The following CYP2C18 variants were observed in gnomAD, a reference collection of about 807,000 sequenced individuals.
CYP2C18 encodes the protein cytochrome P450 family 2 subfamily C member 18.
A neutral mutation model predicts 41.3 loss-of-function variants in CYP2C18; 38 were observed. The ratio of observed to expected loss-of-function variants is 0.92; its 90% CI spans 0.71 to 1.21. CYP2C18 has a LOEUF of 1.21. Ranked by LOEUF, CYP2C18 falls within the 50% of genes most tolerant of loss-of-function variation. The probability of loss-of-function intolerance (pLI) is 0.00; values close to 1 mark genes in which losing one functional copy is unlikely to be tolerated. For synonymous variants in CYP2C18, 236 were observed against 210.0 expected (o/e 1.12, Z -1.07); for missense variants, 635 against 591.4 (o/e 1.07, Z -0.77).
At chr10:94,690,402 A>G (rs1846974725) in intron 3 of CYP2C18, among the ~76,000 whole-genome samples, 1 of 152,176 alleles carries the variant, frequency 6.6e-6, no homozygotes, top group Non-Finnish European at 1.5e-5. Context: ...AATACTATAA[A>G]CACCTCTATG....
At chr10:94,705,797 T>C (rs1301296228) in intron 4 of CYP2C18, among the ~76,000 whole-genome samples, 9 of 152,198 alleles carry the variant, frequency 5.9e-5, no homozygotes, top group Admixed American at 3.9e-4. Flanking sequence ...GAAAGATAGA[T>C]GATTTCTTTA....
At chr10:94,732,738 G>T (rs1847854592) in intron 7 of CYP2C18, among the ~76,000 whole-genome samples, 1 of 151,964 alleles carries the variant, frequency 6.6e-6, no homozygotes, top group Non-Finnish European at 1.5e-5. Context: ...GTTCTCACAA[G>T]GAGGAGTTAA....
At position 94,733,376 on chromosome 10, in the gene CYP2C18, G is replaced by C. The variant is rs1377889349; in HGVS notation, c.1229G>C (p.Gly410Ala). Residue 410 changes from glycine to alanine, a missense_variant, in exon 8 of 9, where the codon GGC (glycine) becomes GCC (alanine). Coordinates refer to ENST00000285979, the MANE Select transcript of CYP2C18 (RefSeq NM_000772.3). ...CCCAACCCAGAGATGTTTGACCCTG[G>C]CCACTTTCTGGATAAGAGTGGCAAC... is the stretch of plus-strand genomic sequence containing the variant. The part of the protein sequence containing the change: ...EFPNPEMFDP[G>A]HFLDKSGNFK... 1 of 1,613,324 alleles carries C rather than the reference G, an allele frequency of 6.2e-7. No homozygotes were observed. The highest frequency in any genetic ancestry group is 8.5e-7 in the Non-Finnish European group (1 of 1,179,550).
intron 4 of CYP2C18, among the ~76,000 whole-genome samples, chr10:94,700,283 T>C (rs1847211292): frequency 6.6e-6 from 1 of 152,120 alleles, no homozygotes; most frequent in Non-Finnish European, 1.5e-5. Flanking sequence ...AACAGAGATA[T>C]AGACCAATGG....
intron 7 of CYP2C18, among the ~76,000 whole-genome samples, chr10:94,728,186 C>T (rs548660586): frequency 1.8e-4 from 28 of 152,124 alleles, no homozygotes; most frequent in African/African-American, 6.3e-4. Context: ...GTCCTGTCCC[C>T]TTGTTATGTA....
intron 1 of CYP2C18, among the ~76,000 whole-genome samples, chr10:94,685,113 A>G (rs1846861796): frequency 6.6e-6 from 1 of 151,942 alleles, no homozygotes; most frequent in African/African-American, 2.4e-5. Context: ...TGGTCCCTGC[A>G]GCCTTGAGCT....
chr10:94,718,425 T>G (rs993494347), intron 5 of CYP2C18, among the ~76,000 whole-genome samples: 2 of 152,122 alleles, frequency 1.3e-5, no homozygotes, highest in Non-Finnish European at 2.9e-5. Context: ...TCTTTGGATG[T>G]CTTTCATTTA....
At chr10:94,718,379 G>A (rs1847591850) in intron 5 of CYP2C18, among the ~76,000 whole-genome samples, 1 of 152,076 alleles carries the variant, frequency 6.6e-6, no homozygotes, top group Non-Finnish European at 1.5e-5. Flanking sequence ...GTAAGATCAT[G>A]CCATCAGCAA....
intron 4 of CYP2C18, among the ~76,000 whole-genome samples, chr10:94,702,615 A>T (rs899100843): frequency 4.0e-5 from 6 of 151,872 alleles, no homozygotes; most frequent in African/African-American, 1.5e-4. Context: ...GAAACTGGTT[A>T]TTCTAGTTAG....
At chr10:94,701,318 A>G (rs1847239599) in intron 4 of CYP2C18, among the ~76,000 whole-genome samples, 1 of 152,202 alleles carries the variant, frequency 6.6e-6, no homozygotes, top group Non-Finnish European at 1.5e-5. Flanking sequence ...TGTCCTTTGT[A>G]AGGACATGGA....
In CYP2C18 at chr10:94,733,371, C is replaced by A; in HGVS notation, c.1224C>A (p.Asp408Glu). Residue 408 changes from aspartate (D) to glutamate (E), a missense_variant, in exon 8 of 9, where the codon GAC (aspartate) becomes GAA (glutamate). By Grantham distance (45) the Asp-to-Glu change is conservative (BLOSUM62 2). Transcript: ENST00000285979. ...AATTCCCCAACCCAGAGATGTTTGA[C>A]CCTGGCCACTTTCTGGATAAGAGTG... The part of the protein sequence containing the change: ...DKEFPNPEMF[D>E]PGHFLDKSGN... The A allele has an allele frequency of 6.2e-7, 1 of 1,613,432 alleles. No individual in the cohort carries two copies. The highest frequency in any genetic ancestry group is 8.5e-7 in the Non-Finnish European group (1 of 1,179,554).
chr10:94,718,833 G>A (rs1296084597), intron 5 of CYP2C18, among the ~76,000 whole-genome samples: 1 of 152,132 alleles, frequency 6.6e-6, no homozygotes, highest in East Asian at 1.9e-4. Context: ...GGTAAGTTAA[G>A]TAGATAGCTG....
chr10:94,698,218 C>A (rs1232109204), intron 4 of CYP2C18, among the ~76,000 whole-genome samples: 2 of 152,106 alleles, frequency 1.3e-5, no homozygotes, highest in East Asian at 3.8e-4. Context: ...CAAAATTGAC[C>A]ACATAGTTGG....
At chr10:94,685,992 T>A (rs1012157191) in intron 1 of CYP2C18, among the ~76,000 whole-genome samples, 1 of 152,136 alleles carries the variant, frequency 6.6e-6, no homozygotes, top group African/African-American at 2.4e-5. Flanking sequence ...AATATGGACA[T>A]TTTTCCACTA....
At chr10:94,694,069 TA>T (rs1470809199) in intron 3 of CYP2C18, among the ~76,000 whole-genome samples, 6 of 152,172 alleles carry the variant, frequency 3.9e-5, no homozygotes, top group African/African-American at 1.4e-4. Flanking sequence ...TAACATAAGG[TA>T]TTTTTTTGAT....
At chr10:94,696,439 C>T (rs1007042516) in intron 4 of CYP2C18, among the ~76,000 whole-genome samples, 1 of 152,044 alleles carries the variant, frequency 6.6e-6, no homozygotes, top group Non-Finnish European at 1.5e-5. Context: ...AGAAGGAAAA[C>T]TAACAAATAG....
At chr10:94,730,857 A>T (rs1185262213) in intron 7 of CYP2C18, among the ~76,000 whole-genome samples, 11 of 152,170 alleles carry the variant, frequency 7.2e-5, no homozygotes, top group African/African-American at 2.7e-4. Context: ...ATGCACAAAA[A>T]TCAATAGCAT....
chr10:94,691,563 A>C (rs972148738), intron 3 of CYP2C18, among the ~76,000 whole-genome samples: 8 of 152,230 alleles, frequency 5.3e-5, no homozygotes, highest in African/African-American at 1.9e-4. Context: ...GCTCATGGGT[A>C]GGAAGAATGA....
chr10:94,718,324 T>C (rs1032268127), intron 5 of CYP2C18, among the ~76,000 whole-genome samples: 1 of 152,162 alleles, frequency 6.6e-6, no homozygotes, highest in Non-Finnish European at 1.5e-5. Context: ...AATTTAATTA[T>C]CAGTTCTAAG....
Sources: gnomAD v4.1 joint callset for allele counts (sites outside exome capture counted in the v4.1 genomes callset) on GRCh38, gnomAD v4.1.1 for gene constraint, MANE v1.5 for transcripts, NCBI Gene and HGNC (gene_info 2026-07-23, HGNC 2026-07-21) for gene names.